RIPOR2: variants seen among roughly 807,000 people sequenced by gnomAD.
The protein encoded by RIPOR2 is RHO family interacting cell polarization regulator 2.
In RIPOR2, 39 loss-of-function variants were observed where a neutral mutation model predicts 114.5. That is an observed-to-expected ratio of 0.34 (90% confidence interval 0.26 to 0.44). The LOEUF is 0.44. Ranked by LOEUF, RIPOR2 falls within the 20% of genes least tolerant of loss-of-function variation. The pLI is 1.00. For synonymous variants in RIPOR2, 445 were observed against 484.4 expected, an observed-to-expected ratio of 0.92 and a Z score of 1.07; for missense variants, 1,007 against 1,255.1, an observed-to-expected ratio of 0.80 and a Z score of 2.99.
chr6:24,872,610 T>A (rs1179130834), intron 4 of RIPOR2, among the ~76,000 whole-genome samples: 1 of 152,150 alleles, frequency 6.6e-6, no homozygotes, highest in African/African-American at 2.4e-5. Context: ...ACATTAAAAA[T>A]TTTTTTCCTG....
chr6:24,964,004 G>A (rs911007832), intron 1 of RIPOR2, among the ~76,000 whole-genome samples: 8 of 151,926 alleles, frequency 5.3e-5, no homozygotes, highest in African/African-American at 1.5e-4. Context: ...CCCTCCTCCT[G>A]CCTCCGCCTT....
chr6:24,809,585 C>A (rs937202384), intron 21 of RIPOR2, 132 bp downstream of exon 21: 3 of 657,008 alleles, frequency 4.6e-6, no homozygotes, highest in Non-Finnish European at 8.2e-6. Flanking sequence ...GAGAAGACAG[C>A]CTACAGCGGG....
intron 1 of RIPOR2, among the ~76,000 whole-genome samples, chr6:24,968,995 C>T (rs1773655026): frequency 6.6e-6 from 1 of 152,152 alleles, no homozygotes; most frequent in Non-Finnish European, 1.5e-5. Context: ...TTTGCTTTTC[C>T]CTTTTTTCAT....
At chr6:24,809,566 T>C in intron 21 of RIPOR2, 151 bp downstream of exon 21, 2 of 630,994 alleles carry the variant, frequency 3.2e-6, no homozygotes, top group Admixed American at 2.6e-5. Flanking sequence ...TTCTTCGTAC[T>C]CTGTGTGTGA....
At chr6:25,005,696 T>TAGATAGATAG (rs1254461417) in intron 1 of RIPOR2, among the ~76,000 whole-genome samples, 2 of 10,814 alleles carry the variant, frequency 1.8e-4, no homozygotes, top group Admixed American at 1.7e-3. Context: ...CCTATGGAGA[T>TAGATAGATAG]ATATATATAT....
chr6:25,035,571 C>T (rs1048001432), intron 1 of RIPOR2, among the ~76,000 whole-genome samples: 4 of 152,186 alleles, frequency 2.6e-5, no homozygotes, highest in Non-Finnish European at 4.4e-5. Context: ...CTTGTATCCA[C>T]GCTGAAAAGC....
intron 1 of RIPOR2, among the ~76,000 whole-genome samples, chr6:25,035,970 C>T (rs1412799387): frequency 6.6e-6 from 1 of 152,190 alleles, no homozygotes; most frequent in African/African-American, 2.4e-5. Context: ...GAATAGCCAG[C>T]TGGGTTCTTA....
rs1275770153 is a variant in RIPOR2, at chr6:24,804,966, G to T, written c.*1407C>A. Reference sequence around the variant, plus strand: ...TGGGACCTGATGTTTGAACTATTTGGCCAGGGAATCCTACCAGTGAGTGAT... The same window carrying T: ...TGGGACCTGATGTTTGAACTATTTGTCCAGGGAATCCTACCAGTGAGTGAT... On this transcript the variant is annotated 3_prime_UTR_variant, in exon 22 of 22. Coordinates refer to ENST00000643898, the MANE Select transcript of RIPOR2 (RefSeq NM_001286445.3). The T allele has an allele frequency of 6.6e-6, 1 of 152,032 alleles. No homozygotes were observed. Among genetic ancestry groups the T allele is most frequent in the Non-Finnish European group, 1.5e-5 (1 of 68,002 alleles). 9.4% of individuals were successfully genotyped at this position (152,032 alleles called of 1,614,324 possible).
rs34572978 is a variant in RIPOR2, at chr6:25,005,738, T to TATATATATACACAC, written c.76+36112_76+36113insGTGTGTATATATAT. Among the ~76,000 whole-genome samples the TATATATATACACAC allele has an allele frequency of 2.3e-3, 162 of 70,676 alleles. 12 individuals are homozygous for TATATATATACACAC. The highest frequency in any genetic ancestry group is 4.5e-3 in the Non-Finnish European group (136 of 30,014). The allele number at this position is 70,676 out of a possible 152,430, so 46.4% of individuals were successfully genotyped here. On this transcript the variant is annotated intron_variant, in intron 1 of 13. Coordinates refer to the RIPOR2 transcript ENST00000510784. ...ATATATATATATATATATATATATA[T>TATATATATACACAC]ATACATTTACCGATCAAAAGATATG...
rs552916300 is a variant in RIPOR2 at position 24,896,914 on chromosome 6, T to A, written c.62-21097A>T. 3.9e-5 allele frequency among the ~76,000 whole-genome samples: 6 copies of A among 152,126 alleles called. No homozygotes were observed. In the East Asian group the frequency reaches 1.2e-3, roughly 29 times the overall value. The stretch of plus-strand genomic sequence containing the variant: ...AAGACTCCATCTCAAAATAAATAGA[T>A]AAATAAATAAATAAAGTTGGTATTA... On this transcript the variant is annotated intron_variant, in intron 1 of 21. Coordinates refer to ENST00000643898, the MANE Select transcript of RIPOR2 (RefSeq NM_001286445.3).
At chr6:24,943,694 C>A (rs576943660) in intron 1 of RIPOR2, among the ~76,000 whole-genome samples, 1 of 152,092 alleles carries the variant, frequency 6.6e-6, no homozygotes, top group Non-Finnish European at 1.5e-5. Context: ...TTCACCTTAT[C>A]TCTGTGGTAG....
At chr6:24,901,718 A>G (rs1768458595) in intron 1 of RIPOR2, among the ~76,000 whole-genome samples, 1 of 152,200 alleles carries the variant, frequency 6.6e-6, no homozygotes, top group Non-Finnish European at 1.5e-5. Flanking sequence ...GGCAGGAAGA[A>G]CAAATCACCT....
chr6:24,937,243 C>G (rs1389616037), upstream of RIPOR2, among the ~76,000 whole-genome samples: 1 of 152,140 alleles, frequency 6.6e-6, no homozygotes, highest in Non-Finnish European at 1.5e-5. Context: ...TAGAGGAGAG[C>G]TTGGAAATGT....
intron 1 of RIPOR2, among the ~76,000 whole-genome samples, chr6:24,897,376 G>T (rs1289803215): frequency 2.0e-5 from 3 of 152,218 alleles, no homozygotes; most frequent in Admixed American, 1.3e-4. Context: ...TGTTCAGACT[G>T]GGGTATTCAG....
At chr6:24,910,978 G>C in intron 1 of RIPOR2, 1 of 985,198 alleles carries the variant, frequency 1.0e-6, no homozygotes, top group Non-Finnish European at 1.2e-6. Context: ...GAGGAAGTCG[G>C]GTGGACGCGA....
At chr6:24,913,942 T>G (rs1408822168) in intron 1 of RIPOR2, among the ~76,000 whole-genome samples, 1 of 152,132 alleles carries the variant, frequency 6.6e-6, no homozygotes, top group African/African-American at 2.4e-5. Flanking sequence ...CTTGCATTGC[T>G]CTTTCAGGCC....
At chr6:24,945,395 G>A (rs1004645707) in intron 1 of RIPOR2, among the ~76,000 whole-genome samples, 1 of 152,082 alleles carries the variant, frequency 6.6e-6, no homozygotes, top group Non-Finnish European at 1.5e-5. Context: ...AAAGACACTG[G>A]ACAGTAACTC....
At chr6:24,990,329 G>C (rs1053586804) in intron 1 of RIPOR2, among the ~76,000 whole-genome samples, 2 of 152,226 alleles carry the variant, frequency 1.3e-5, no homozygotes, top group Non-Finnish European at 2.9e-5. Flanking sequence ...CATTGATAGT[G>C]CTTCTAATGA....
At position 24,857,872 on chromosome 6, in the gene RIPOR2, C is replaced by T. The variant is rs72839920; in HGVS notation, c.715+3101G>A. 6.6e-3 allele frequency among the ~76,000 whole-genome samples: 1,011 copies of T among 152,302 alleles called. 9 individuals are homozygous for T. Among genetic ancestry groups the T allele is most frequent in the South Asian group, 0.012 (60 of 4,828 alleles). ...GATAGTTTGCAGATTAAGTGCTCTC[C>T]GTTTAGCCTGGCATTCATGGATTTT... On this transcript the variant is annotated intron_variant, in intron 8 of 21. Coordinates refer to ENST00000643898, the MANE Select transcript of RIPOR2 (RefSeq NM_001286445.3).
Sources: gnomAD v4.1 joint callset for allele counts (sites outside exome capture counted in the v4.1 genomes callset) on GRCh38, gnomAD v4.1.1 for gene constraint, MANE v1.5 for transcripts, NCBI Gene and HGNC (gene_info 2026-07-23, HGNC 2026-07-21) for gene names.